Variants in ZC2HC1B observed in about 807,000 individuals in gnomAD.
The protein encoded by ZC2HC1B is zinc finger C2HC domain-containing protein 1B.
In ZC2HC1B, 36 loss-of-function variants were observed where a neutral mutation model predicts 31.0. The observed-to-expected ratio is 1.16, with a 90% CI of 0.89 to 1.54. The LOEUF (loss-of-function observed/expected upper bound fraction) is 1.54, where lower values mean the gene tolerates loss of function less well. Among genes scored for constraint, ZC2HC1B ranks in the 40% most tolerant of loss-of-function variants. ZC2HC1B has a pLI of 0.00. For synonymous variants in ZC2HC1B, 73 were observed against 88.0 expected (o/e 0.83, Z 0.95); for missense variants, 260 against 268.6 (o/e 0.97, Z 0.22).
chr6:143,897,548 C>G (rs1443746549), intron 4 of ZC2HC1B, among the ~76,000 whole-genome samples: 1 of 151,700 alleles, frequency 6.6e-6, no homozygotes, highest in Non-Finnish European at 1.5e-5. Context: ...CAGGAGCTGC[C>G]TGGGCCATTG....
Position 143,886,739 on chromosome 6 carries a change from A to C in ZC2HC1B, c.267A>C (p.Ala89=), listed in dbSNP as rs770924167. 1.3e-6 allele frequency: 2 copies of C among 1,548,718 alleles called. No homozygotes were observed. Among genetic ancestry groups the C allele is most frequent in the Non-Finnish European group, 1.7e-6 (2 of 1,145,568 alleles). Residue 89 remains alanine (A), a synonymous_variant, in exon 4 of 8, where the codon GCA becomes GCC. Coordinates refer to ENST00000237275, the MANE Select transcript of ZC2HC1B (RefSeq NM_001013623.3). The surrounding 1 kb of genome is among the most constrained non-coding windows in gnomAD (Gnocchi z 4.2). ...WRQQHEDFIN[A]IRSAKQCMLA... Reference sequence around the variant, plus strand: ...AACAACATGAAGACTTTATTAATGCAATCCGATCAGCAAAGCAGTGTATGC... The same window carrying C: ...AACAACATGAAGACTTTATTAATGCCATCCGATCAGCAAAGCAGTGTATGC...
chr6:143,903,744 G>A lies in ZC2HC1B; in HGVS notation c.598+592G>A, dbSNP rs754490677. ...GTTGAAGTCCCTGATATAAAATGGC[G>A]TAGAATTTGTATATAACCTAGGCAC... On this transcript the variant is annotated intron_variant, in intron 6 of 7. Coordinates refer to ENST00000237275, the MANE Select transcript of ZC2HC1B (RefSeq NM_001013623.3). The surrounding 1 kb of genome is among the most constrained non-coding windows in gnomAD (Gnocchi z 4.3). Among the ~76,000 whole-genome samples, 29 of 152,104 alleles carry A rather than the reference G, an allele frequency of 1.9e-4. No individual in the cohort carries two copies. The highest frequency in any genetic ancestry group is 2.9e-4 in the African/African-American group (12 of 41,400).
chr6:143,886,607 A>G lies in ZC2HC1B; in HGVS notation c.211-76A>G. 1 of 1,335,130 alleles carries G rather than the reference A, an allele frequency of 7.5e-7. No individual in the cohort carries two copies. The highest frequency in any genetic ancestry group is 2.0e-5 in the South Asian group (1 of 49,586). 82.7% of individuals were successfully genotyped at this position (1,335,130 alleles called of 1,614,324 possible). On this transcript the variant is annotated intron_variant, in intron 3 of 7. Transcript: ENST00000237275. The surrounding 1 kb of genome is among the most constrained non-coding windows in gnomAD (Gnocchi z 4.2). ...CACAGTTCTGTTTCCTGTGAATTCA[A>G]ATTCCAGCTTTAAACAAAATTGTAA...
At position 143,922,513 on chromosome 6, in the gene ZC2HC1B, T is replaced by C. The variant is rs1777994749; in HGVS notation, c.599-15136T>C. Among the ~76,000 whole-genome samples the C allele has an allele frequency of 6.6e-6, 1 of 152,188 alleles. No individual in the cohort carries two copies. The highest frequency in any genetic ancestry group is 2.4e-5 in the African/African-American group (1 of 41,452). On this transcript the variant is annotated intron_variant, in intron 6 of 7. Coordinates refer to ENST00000237275, the MANE Select transcript of ZC2HC1B (RefSeq NM_001013623.3). This position sits in a 1 kb window ranked among gnomAD's most constrained non-coding sequence, Gnocchi z 5.0. ...CCTTCCCGTCCTCTAGTAACTATCA[T>C]TCTATTCCCTACATCACTGAAATCA...
rs112111636 is a variant in ZC2HC1B at position 143,868,335 on chromosome 6, A to C, written c.28+3768A>C. 0.014 allele frequency among the ~76,000 whole-genome samples: 2,194 copies of C among 152,344 alleles called. 46 individuals carry two copies. The highest frequency in any genetic ancestry group is 0.05 in the African/African-American group (2,097 of 41,572). On this transcript the variant is annotated intron_variant, in intron 1 of 7. Transcript: ENST00000237275. The surrounding 1 kb of genome is among the most constrained non-coding windows in gnomAD (Gnocchi z 4.2). ...CAAGGTCCCACAATAGGCCGTCTGCAAGCTGAGGAGCAAGGACAACCAGTA... is the reference window on the plus strand; with the variant it reads ...CAAGGTCCCACAATAGGCCGTCTGCCAGCTGAGGAGCAAGGACAACCAGTA...
rs1778147665 is a variant in ZC2HC1B at position 143,933,669 on chromosome 6, C to T, written c.599-3980C>T. 6.6e-6 allele frequency among the ~76,000 whole-genome samples: 1 copy of T among 152,150 alleles called. No individual in the cohort carries two copies. Among genetic ancestry groups the T allele is most frequent in the Admixed American group, 6.5e-5 (1 of 15,274 alleles). On this transcript the variant is annotated intron_variant, in intron 6 of 7. Coordinates refer to ENST00000237275, the MANE Select transcript of ZC2HC1B (RefSeq NM_001013623.3). This position sits in a 1 kb window ranked among gnomAD's most constrained non-coding sequence, Gnocchi z 6.4. Reference sequence around the variant, plus strand: ...ACAGTTGGCAAGGCCAGTCTCACTCCCACCGTGCCCTGCTAACCGTGCCAA... The same window carrying T: ...ACAGTTGGCAAGGCCAGTCTCACTCTCACCGTGCCCTGCTAACCGTGCCAA...
rs1003056589 is a variant in ZC2HC1B at position 143,886,125 on chromosome 6, A to G, written c.184A>G (p.Thr62Ala). The change falls in exon 3 of 8, where the codon ACT becomes GCT. Residue 62 changes from threonine (T) to alanine (A), a missense_variant. By Grantham distance (58) the Thr-to-Ala change is moderately conservative. Coordinates refer to ENST00000237275, the MANE Select transcript of ZC2HC1B (RefSeq NM_001013623.3). The surrounding 1 kb of genome is among the most constrained non-coding windows in gnomAD (Gnocchi z 4.2). ...AAGATTACAGGGCACTGACATTCCT[A>G]CTGTGAAGAAGACTCCACAATCCAA... ...KQRLQGTDIP[T>A]VKKTPQSKSP... 2.6e-6 allele frequency: 4 copies of G among 1,547,920 alleles called. No individual in the cohort carries two copies. In the African/African-American group the frequency reaches 5.5e-5, roughly 21 times the overall value.
At chr6:143,866,588 A>G (rs17073142) in intron 1 of ZC2HC1B, among the ~76,000 whole-genome samples, 7,802 of 152,312 alleles carry the variant, frequency 0.051, 217 homozygotes, top group South Asian at 0.094. Context: ...GCTTGTGTCT[A>G]TTACCTGTGA....
At position 143,886,161 on chromosome 6, in the gene ZC2HC1B, A is replaced by T; in HGVS notation, c.210+10A>T. On this transcript the variant is annotated intron_variant, in intron 3 of 7. Coordinates refer to ENST00000237275, the MANE Select transcript of ZC2HC1B (RefSeq NM_001013623.3). This position sits in a 1 kb window ranked among gnomAD's most constrained non-coding sequence, Gnocchi z 4.2. The stretch of plus-strand genomic sequence containing the variant: ...GACTCCACAATCCAAGGTACTCCTG[A>T]TATCTTCTTTAGTGTTTGTTATTAC... 6.6e-7 allele frequency: 1 copy of T among 1,522,958 alleles called. No individual in the cohort carries two copies. The highest frequency in any genetic ancestry group is 1.3e-5 in the South Asian group (1 of 78,100). The allele number at this position is 1,522,958 out of a possible 1,614,324, so 94.3% of individuals were successfully genotyped here.
At chr6:143,919,289 G>GATC (rs1295071070) in intron 6 of ZC2HC1B, among the ~76,000 whole-genome samples, 2 of 148,004 alleles carry the variant, frequency 1.4e-5, no homozygotes, top group African/African-American at 5.0e-5. Context: ...CTGTGCCAAG[G>GATC]ATCAGTCTTA....
rs1334906593 is a variant in ZC2HC1B at position 143,905,455 on chromosome 6, G to T, written c.598+2303G>T. Among the ~76,000 whole-genome samples, 2 of 151,992 alleles carry T rather than the reference G, an allele frequency of 1.3e-5. No individual in the cohort carries two copies. The highest frequency in any genetic ancestry group is 4.8e-5 in the African/African-American group (2 of 41,390). Reference sequence around the variant, plus strand: ...ATTTATTGCTTCTAATAAGTTTTTTGGTGATATCTTTAGGATTTTCTGCTT... The same window carrying T: ...ATTTATTGCTTCTAATAAGTTTTTTTGTGATATCTTTAGGATTTTCTGCTT... On this transcript the variant is annotated intron_variant, in intron 6 of 7. Coordinates refer to ENST00000237275, the MANE Select transcript of ZC2HC1B (RefSeq NM_001013623.3). The surrounding 1 kb of genome is among the most constrained non-coding windows in gnomAD (Gnocchi z 4.2).
In ZC2HC1B at chr6:143,911,830, G is replaced by C. The variant is rs1777860767; in HGVS notation, c.598+8678G>C. Among the ~76,000 whole-genome samples, 1 of 152,146 alleles carries C rather than the reference G, an allele frequency of 6.6e-6. No individual in the cohort carries two copies. Among genetic ancestry groups the C allele is most frequent in the Non-Finnish European group, 1.5e-5 (1 of 68,030 alleles). ...ATATTGGCCTGTCATGCTAGGTTGG[G>C]GAAGTGCTGGATTATATCCTAAAGT... On this transcript the variant is annotated intron_variant, in intron 6 of 7. Transcript: ENST00000237275. This position sits in a 1 kb window ranked among gnomAD's most constrained non-coding sequence, Gnocchi z 4.5.
chr6:143,932,715 G>A (rs1778134725), intron 6 of ZC2HC1B, among the ~76,000 whole-genome samples: 1 of 152,100 alleles, frequency 6.6e-6, no homozygotes, highest in Non-Finnish European at 1.5e-5. Flanking sequence ...GTGGTCTTTT[G>A]GGGGTGTTAT....
In ZC2HC1B at chr6:143,903,197, A is replaced by G. The variant is rs1213656033; in HGVS notation, c.598+45A>G. ...TCATCTCTCAAATGATGGGGGTCAG[A>G]GGAGATCACTGTTGGGTTTGGGATT... is the stretch of plus-strand genomic sequence containing the variant. On this transcript the variant is annotated intron_variant, in intron 6 of 7. Transcript: ENST00000237275. This position sits in a 1 kb window ranked among gnomAD's most constrained non-coding sequence, Gnocchi z 4.3. The G allele has an allele frequency of 1.3e-6, 2 of 1,504,362 alleles. No homozygotes were observed. Among genetic ancestry groups the G allele is most frequent in the Non-Finnish European group, 9.1e-7 (1 of 1,103,624 alleles). 93.2% of individuals were successfully genotyped at this position (1,504,362 alleles called of 1,614,324 possible). A position where few individuals can be genotyped will look rare whatever the true frequency, so the allele number is the denominator to read the frequency against.
At position 143,934,059 on chromosome 6, in the gene ZC2HC1B, T is replaced by C. The variant is rs1267480794; in HGVS notation, c.599-3590T>C. Among the ~76,000 whole-genome samples, 1 of 152,220 alleles carries C rather than the reference T, an allele frequency of 6.6e-6. No individual in the cohort carries two copies. Among genetic ancestry groups the C allele is most frequent in the Non-Finnish European group, 1.5e-5 (1 of 68,040 alleles). Reference sequence around the variant, plus strand: ...AGGCTTGTCCCACTGCTGCTTCTACTTTTACATTTCACAGCAAATCAATTT... The same window carrying C: ...AGGCTTGTCCCACTGCTGCTTCTACCTTTACATTTCACAGCAAATCAATTT... On this transcript the variant is annotated intron_variant, in intron 6 of 7. Coordinates refer to ENST00000237275, the MANE Select transcript of ZC2HC1B (RefSeq NM_001013623.3). The surrounding 1 kb of genome is among the most constrained non-coding windows in gnomAD (Gnocchi z 4.6).
intron 6 of ZC2HC1B, among the ~76,000 whole-genome samples, chr6:143,926,343 C>T (rs899737350): frequency 6.6e-6 from 1 of 152,102 alleles, no homozygotes; most frequent in South Asian, 2.1e-4. Context: ...TGTCTCAAGA[C>T]GTTTATTTCC....
At position 143,885,488 on chromosome 6, in the gene ZC2HC1B, C is replaced by T. The variant is rs112380117; in HGVS notation, c.91-544C>T. Among the ~76,000 whole-genome samples the T allele has an allele frequency of 6.0e-4, 92 of 152,302 alleles. 1 individual carries two copies. Among genetic ancestry groups the T allele is most frequent in the African/African-American group, 2.1e-3 (87 of 41,570 alleles). ...TGATCAAATGATTTGATCTTTCTCT[C>T]TCCTTTAGCTTAAAATGGATGGCTT... On this transcript the variant is annotated intron_variant, in intron 2 of 7. Coordinates refer to ENST00000237275, the MANE Select transcript of ZC2HC1B (RefSeq NM_001013623.3). This position sits in a 1 kb window ranked among gnomAD's most constrained non-coding sequence, Gnocchi z 4.2.
At chr6:143,898,107 T>C (rs1343227093) in intron 4 of ZC2HC1B, among the ~76,000 whole-genome samples, 1 of 152,260 alleles carries the variant, frequency 6.6e-6, no homozygotes, top group Non-Finnish European at 1.5e-5. Flanking sequence ...TCTTGCCCTT[T>C]GGAATAGTCT....
At position 143,908,981 on chromosome 6, in the gene ZC2HC1B, C is replaced by G. The variant is rs1777828121; in HGVS notation, c.598+5829C>G. 6.6e-6 allele frequency among the ~76,000 whole-genome samples: 1 copy of G among 152,134 alleles called. No homozygotes were observed. The highest frequency in any genetic ancestry group is 6.5e-5 in the Admixed American group (1 of 15,272). On this transcript the variant is annotated intron_variant, in intron 6 of 7. Coordinates refer to ENST00000237275, the MANE Select transcript of ZC2HC1B (RefSeq NM_001013623.3). The surrounding 1 kb of genome is among the most constrained non-coding windows in gnomAD (Gnocchi z 4.4). ...TACCTAGTTTATTGAGCGTTTTTAA[C>G]ATAAAGGGATGTTGAAATTTATTGA...
Sources: gnomAD v4.1 joint callset for allele counts (sites outside exome capture counted in the v4.1 genomes callset) on GRCh38, gnomAD v4.1.1 for gene constraint, Gnocchi (gnomAD v3.1) non-coding constraint, MANE v1.5 for transcripts, NCBI Gene and HGNC (gene_info 2026-07-23, HGNC 2026-07-21) for gene names.